The following LUC7L3 variants were observed in gnomAD, a reference collection of about 807,000 sequenced individuals.
LUC7L3 encodes luc7-like protein 3.
Under a neutral mutation model 66.8 loss-of-function variants are expected in LUC7L3, and 6 were observed. That is an observed-to-expected ratio of 0.09 (90% confidence interval 0.05 to 0.18). LUC7L3 has a LOEUF of 0.18. Ranked by LOEUF, LUC7L3 falls within the 10% of genes least tolerant of loss-of-function variation. The pLI, the probability that LUC7L3 is intolerant of heterozygous loss-of-function variation, is 1.00. For synonymous variants in LUC7L3, 160 were observed against 174.7 expected, an observed-to-expected ratio of 0.92 and a Z score of 0.66; for missense variants, 341 against 531.1, an observed-to-expected ratio of 0.64 and a Z score of 3.52.
In LUC7L3 at chr17:50,733,484, C is replaced by T. The variant is rs1037404781; in HGVS notation, c.100-3476C>T. Reference sequence around the variant, plus strand: ...TGGCGCCATCTTGGCTCACTGCAAGCTCCGCCTCCTGTGTTCACGCCATTC... The same window carrying T: ...TGGCGCCATCTTGGCTCACTGCAAGTTCCGCCTCCTGTGTTCACGCCATTC... On this transcript the variant is annotated intron_variant, in intron 1 of 9. Transcript: ENST00000505658. Among the ~76,000 whole-genome samples the T allele has an allele frequency of 2.7e-5, 4 of 148,458 alleles. No individual in the cohort carries two copies. The East Asian group carries it at 6.1e-4, about 23-fold the overall frequency.
intron 3 of LUC7L3, among the ~76,000 whole-genome samples, 185 bp downstream of exon 3, chr17:50,740,530 C>T (rs1970284124): frequency 6.6e-6 from 1 of 152,006 alleles, no homozygotes; most frequent in Non-Finnish European, 1.5e-5. Flanking sequence ...CATGAGTGCA[C>T]CCTGTATGTC....
Position 50,751,532 on chromosome 17 carries a change from T to C in LUC7L3, c.*871T>C, listed in dbSNP as rs553784594. 1.0e-5 allele frequency: 12 copies of C among 1,179,156 alleles called. No individual in the cohort carries two copies. In the Admixed American group the frequency reaches 2.3e-4, roughly 22 times the overall value. The allele number at this position is 1,179,156 out of a possible 1,614,324, so 73.0% of individuals were successfully genotyped here. ...AAAACAAATGTTAACAGAATGGAAT[T>C]TTTTTTCAACTGTATGTAGGGCTGC... is the stretch of plus-strand genomic sequence containing the variant. On this transcript the variant is annotated 3_prime_UTR_variant, in exon 10 of 10. Coordinates refer to ENST00000505658, the MANE Select transcript of LUC7L3 (RefSeq NM_016424.5).
In LUC7L3 at chr17:50,737,662, AC is replaced by A. The variant is rs540358707; in HGVS notation, c.166+641del. ...CTTTACCCACTAGATAACCAGTAGC[AC>A]CCCCTGTTGTGACACCCCAAAATGT... On this transcript the variant is annotated intron_variant, in intron 2 of 9. Transcript: ENST00000505658. Among the ~76,000 whole-genome samples, 7 of 151,944 alleles carry A rather than the reference AC, an allele frequency of 4.6e-5. No individual in the cohort carries two copies. The East Asian group carries it at 9.7e-4, about 21-fold the overall frequency.
intron 2 of LUC7L3, among the ~76,000 whole-genome samples, chr17:50,739,690 A>T (rs1970223328): frequency 6.6e-6 from 1 of 152,138 alleles, no homozygotes; most frequent in South Asian, 2.1e-4. Flanking sequence ...AACAGAAAAC[A>T]TCAGAAGTGT....
chr17:50,723,964 T>C (rs1179538106), intron 1 of LUC7L3: 1 of 455,864 alleles, frequency 2.2e-6, no homozygotes, highest in Admixed American at 2.4e-5. Flanking sequence ...CATAGTAAAA[T>C]AGTAAGTGTT....
chr17:50,749,459 A>G, intron 9 of LUC7L3: 1 of 904,628 alleles, frequency 1.1e-6, no homozygotes, highest in Non-Finnish European at 1.5e-6. Flanking sequence ...AGTGTTACGG[A>G]CTAAATATGC....
Position 50,719,631 on chromosome 17 carries a change from A to G in LUC7L3, c.-102A>G. The G allele has an allele frequency of 3.1e-6, 3 of 960,058 alleles. No individual in the cohort carries two copies. The highest frequency in any genetic ancestry group is 3.2e-6 in the Non-Finnish European group (2 of 621,858). The allele number at this position is 960,058 out of a possible 1,614,324, so 59.5% of individuals were successfully genotyped here. A position where few individuals can be genotyped will look rare whatever the true frequency, so the allele number is the denominator to read the frequency against. On this transcript the variant is annotated 5_prime_UTR_variant, in exon 1 of 10. Coordinates refer to ENST00000505658, the MANE Select transcript of LUC7L3 (RefSeq NM_016424.5). Reference sequence around the variant, plus strand: ...TTGTCGGCTCCTGTGTGTAGGAGGGATTTCGGCCTGAGAGCGGGCCGAGGA... The same window carrying G: ...TTGTCGGCTCCTGTGTGTAGGAGGGGTTTCGGCCTGAGAGCGGGCCGAGGA...
chr17:50,747,766 C>CT (rs1238985018), intron 9 of LUC7L3, among the ~76,000 whole-genome samples: 2 of 152,062 alleles, frequency 1.3e-5, no homozygotes, highest in Non-Finnish European at 2.9e-5. Context: ...AGCACACACT[C>CT]TTTTTCTGAA....
At chr17:50,730,009 A>G (rs1388672233) in intron 1 of LUC7L3, among the ~76,000 whole-genome samples, 2 of 145,890 alleles carry the variant, frequency 1.4e-5, no homozygotes, top group African/African-American at 5.1e-5. Flanking sequence ...GCTGGAGTGC[A>G]GTGGCACAAT....
intron 2 of LUC7L3, among the ~76,000 whole-genome samples, chr17:50,740,031 C>A (rs1970246333): frequency 6.6e-6 from 1 of 152,112 alleles, no homozygotes; most frequent in South Asian, 2.1e-4. Context: ...TTTCCTTTCA[C>A]CTTCCCTCCT....
At chr17:50,731,096 T>C (rs1969577701) in intron 1 of LUC7L3, among the ~76,000 whole-genome samples, 1 of 152,238 alleles carries the variant, frequency 6.6e-6, no homozygotes, top group Non-Finnish European at 1.5e-5. Flanking sequence ...GGGATTACTA[T>C]TAAATGAAGA....
intron 9 of LUC7L3, among the ~76,000 whole-genome samples, chr17:50,750,219 A>G (rs1368963299): frequency 1.3e-5 from 2 of 152,156 alleles, no homozygotes; most frequent in African/African-American, 4.8e-5. Flanking sequence ...TTTACCCACA[A>G]TGAAATTTAC....
chr17:50,726,515 A>G (rs1969195360), intron 1 of LUC7L3, among the ~76,000 whole-genome samples: 1 of 152,096 alleles, frequency 6.6e-6, no homozygotes, highest in Non-Finnish European at 1.5e-5. Flanking sequence ...TGAGACCCAT[A>G]CGAAGTGCAG....
Position 50,750,968 on chromosome 17 carries a change from T to C in LUC7L3, c.*307T>C. 6.7e-7 allele frequency: 1 copy of C among 1,487,184 alleles called. No homozygotes were observed. 92.1% of individuals were successfully genotyped at this position (1,487,184 alleles called of 1,614,324 possible). A position where few individuals can be genotyped will look rare whatever the true frequency, so the allele number is the denominator to read the frequency against. Reference sequence around the variant, plus strand: ...TCGCCATTGAAAAGTTAATTATCCTTTTTTTAGGGATTTTGATGTCATTTC... The same window carrying C: ...TCGCCATTGAAAAGTTAATTATCCTCTTTTTAGGGATTTTGATGTCATTTC... On this transcript the variant is annotated 3_prime_UTR_variant, in exon 10 of 10. Coordinates refer to ENST00000505658, the MANE Select transcript of LUC7L3 (RefSeq NM_016424.5).
chr17:50,752,062 C>T lies in LUC7L3; in HGVS notation c.*1401C>T. 6.9e-6 allele frequency: 8 copies of T among 1,157,918 alleles called. No homozygotes were observed. Among genetic ancestry groups the T allele is most frequent in the Non-Finnish European group, 8.6e-6 (8 of 926,326 alleles). The allele number at this position is 1,157,918 out of a possible 1,614,324, so 71.7% of individuals were successfully genotyped here. On this transcript the variant is annotated 3_prime_UTR_variant, in exon 10 of 10. Transcript: ENST00000505658. ...ATGGCTTTAAGAACCACACTGATGC[C>T]TTGATAATTAAAAAGAATACAAGCA...
chr17:50,750,949 T>A lies in LUC7L3; in HGVS notation c.*288T>A. ...GCCCACATTTGTAATATAGTCGCCA[T>A]TGAAAAGTTAATTATCCTTTTTTTA... On this transcript the variant is annotated 3_prime_UTR_variant, in exon 10 of 10. Coordinates refer to ENST00000505658, the MANE Select transcript of LUC7L3 (RefSeq NM_016424.5). The A allele has an allele frequency of 6.6e-7, 1 of 1,508,086 alleles. No individual in the cohort carries two copies. The highest frequency in any genetic ancestry group is 8.8e-7 in the Non-Finnish European group (1 of 1,134,120). The allele number at this position is 1,508,086 out of a possible 1,614,324, so 93.4% of individuals were successfully genotyped here. A position where few individuals can be genotyped will look rare whatever the true frequency, so the allele number is the denominator to read the frequency against.
At chr17:50,746,319 A>G (rs1970664538) in intron 8 of LUC7L3, among the ~76,000 whole-genome samples, 1 of 152,238 alleles carries the variant, frequency 6.6e-6, no homozygotes, top group South Asian at 2.1e-4. Context: ...AATTATAATT[A>G]CAAATTGAAG....
At chr17:50,746,978 T>G (rs1423636688) in intron 9 of LUC7L3, among the ~76,000 whole-genome samples, 3 of 152,176 alleles carry the variant, frequency 2.0e-5, no homozygotes, top group Non-Finnish European at 4.4e-5. Context: ...TATATTACCT[T>G]TCGGGGTTAT....
intron 9 of LUC7L3, chr17:50,749,366 T>C: frequency 7.8e-7 from 1 of 1,283,100 alleles, no homozygotes; most frequent in Non-Finnish European, 1.0e-6. Context: ...CCCACTGTCC[T>C]GGCACAGTTC....
Sources: gnomAD v4.1 joint callset for allele counts (sites outside exome capture counted in the v4.1 genomes callset) on GRCh38, gnomAD v4.1.1 for gene constraint, MANE v1.5 for transcripts, NCBI Gene and HGNC (gene_info 2026-07-23, HGNC 2026-07-21) for gene names.